Variants in CAMKK1 observed in about 807,000 individuals in gnomAD.
CAMKK1 encodes calcium/calmodulin dependent protein kinase kinase 1, also known as calcium/calmodulin-dependent protein kinase kinase 1.
CAMKK1 carries 20 observed loss-of-function variants against 63.5 expected under a neutral mutation model. That is an observed-to-expected ratio of 0.32 (90% CI 0.22 to 0.46). The LOEUF is 0.46. CAMKK1 is among the 20% of genes least tolerant of loss of function. The probability of loss-of-function intolerance (pLI) is 1.00; values close to 1 mark genes in which losing one functional copy is unlikely to be tolerated. For missense variants in CAMKK1, 588 were observed against 658.1 expected, an observed-to-expected ratio of 0.89 and a Z score of 1.17; for synonymous variants, 253 against 269.0, an observed-to-expected ratio of 0.94 and a Z score of 0.58.
intron 1 of CAMKK1, among the ~76,000 whole-genome samples, chr17:3,888,913 CGTGT>C (rs55841323): frequency 1.3e-5 from 2 of 150,384 alleles, no homozygotes. Context: ...AGGGTGGTGG[CGTGT>C]GTGTGTGTGT....
chr17:3,869,626 C>A lies in CAMKK1; in HGVS notation c.1213-11G>T. 6.2e-7 allele frequency: 1 copy of A among 1,614,084 alleles called. No homozygotes were observed. The highest frequency in any genetic ancestry group is 8.5e-7 in the Non-Finnish European group (1 of 1,179,982). Reference sequence around the variant, plus strand: ...CACCCAAGGGTGCAACTGTCGGGGCCGGGAGGGCAGGGAGAGGGGGAGAGG... The same window carrying A: ...CACCCAAGGGTGCAACTGTCGGGGCAGGGAGGGCAGGGAGAGGGGGAGAGG... On this transcript the variant is annotated splice_polypyrimidine_tract_variant and intron_variant, in intron 13 of 15. Coordinates refer to ENST00000348335, the MANE Select transcript of CAMKK1 (RefSeq NM_032294.3).
chr17:3,881,251 C>T (rs1257410214), intron 8 of CAMKK1, among the ~76,000 whole-genome samples: 1 of 152,236 alleles, frequency 6.6e-6, no homozygotes, highest in African/African-American at 2.4e-5. Context: ...CCACCCACTC[C>T]ATTCACAGAC....
At position 3,889,111 on chromosome 17, in the gene CAMKK1, CTGGACT is replaced by C. The variant is rs1466901471; in HGVS notation, c.-43-3387_-43-3382del. On this transcript the variant is annotated intron_variant, in intron 1 of 15. Transcript: ENST00000348335. The surrounding 1 kb of genome is among the most constrained non-coding windows in gnomAD (Gnocchi z 5.2). Reference sequence around the variant, plus strand: ...GGGAGCCTGATCCCAGAGCTCATATCTGGACTTTTCCCCATAGTCACTGGTCCCACC... The same window carrying C: ...GGGAGCCTGATCCCAGAGCTCATATCTTTCCCCATAGTCACTGGTCCCACC... Among the ~76,000 whole-genome samples, 1 of 152,146 alleles carries C rather than the reference CTGGACT, an allele frequency of 6.6e-6. No individual in the cohort carries two copies. The highest frequency in any genetic ancestry group is 1.5e-5 in the Non-Finnish European group (1 of 68,010).
rs2055729306 is a variant in CAMKK1 at position 3,887,971 on chromosome 17, T to C, written c.-43-2241A>G. Among the ~76,000 whole-genome samples, 1 of 152,180 alleles carries C rather than the reference T, an allele frequency of 6.6e-6. No homozygotes were observed. The highest frequency in any genetic ancestry group is 2.4e-5 in the African/African-American group (1 of 41,440). On this transcript the variant is annotated intron_variant, in intron 1 of 15. Coordinates refer to ENST00000348335, the MANE Select transcript of CAMKK1 (RefSeq NM_032294.3). This position sits in a 1 kb window ranked among gnomAD's most constrained non-coding sequence, Gnocchi z 6.1. ...TTGTCTCCAAAAGATCATCAGTGCC[T>C]GGCATGTGATAGGAACTCGATAAAT...
Position 3,866,015 on chromosome 17 carries a change from A to G in CAMKK1, c.1342-4T>C. The G allele has an allele frequency of 6.2e-7, 1 of 1,613,786 alleles. No individual in the cohort carries two copies. The highest frequency in any genetic ancestry group is 1.7e-5 in the Admixed American group (1 of 59,990). On this transcript the variant is annotated splice_polypyrimidine_tract_variant and splice_region_variant and intron_variant, in intron 14 of 15. Transcript: ENST00000348335. The stretch of plus-strand genomic sequence containing the variant: ...TCAGCATGGACTTCACCAGGATCTG[A>G]GGAGGACAAGGCAGCGTGAGGAGCA...
chr17:3,891,114 G>GGT (rs1555545824), intron 1 of CAMKK1, among the ~76,000 whole-genome samples: 1 of 151,880 alleles, frequency 6.6e-6, no homozygotes, highest in Non-Finnish European at 1.5e-5. Context: ...AAGGTTGGGG[G>GGT]GGGGGTCACA....
In CAMKK1 at chr17:3,884,471, C is replaced by T. The variant is rs755369003; in HGVS notation, c.361-44G>A. Reference sequence around the variant, plus strand: ...CACCAGGTGGAGCTGGGTCCGGAGGCAGCACTGCTCCTACCTCAGAGCCCG... The same window carrying T: ...CACCAGGTGGAGCTGGGTCCGGAGGTAGCACTGCTCCTACCTCAGAGCCCG... On this transcript the variant is annotated intron_variant, in intron 2 of 15. Transcript: ENST00000348335. This position sits in a 1 kb window ranked among gnomAD's most constrained non-coding sequence, Gnocchi z 4.5. 5.7e-6 allele frequency: 9 copies of T among 1,587,348 alleles called. No individual in the cohort carries two copies. Among genetic ancestry groups the T allele is most frequent in the Middle Eastern group, 3.3e-4 (2 of 5,976 alleles).
At chr17:3,864,967 A>T (rs1597436821) in intron 15 of CAMKK1, among the ~76,000 whole-genome samples, 1 of 152,042 alleles carries the variant, frequency 6.6e-6, no homozygotes, top group African/African-American at 2.4e-5. Flanking sequence ...CCTGGCACTC[A>T]CCCCTCTGGG....
At chr17:3,874,398 G>C (rs1055898059) in intron 10 of CAMKK1, among the ~76,000 whole-genome samples, 1 of 151,974 alleles carries the variant, frequency 6.6e-6, no homozygotes, top group Admixed American at 6.6e-5. Context: ...TTCAGACAGA[G>C]TCTCACTCTG....
rs528753485 is a variant in CAMKK1, at chr17:3,890,780, A to G, written c.-44+2159T>C. On this transcript the variant is annotated intron_variant, in intron 1 of 15. Coordinates refer to ENST00000348335, the MANE Select transcript of CAMKK1 (RefSeq NM_032294.3). The surrounding 1 kb of genome is among the most constrained non-coding windows in gnomAD (Gnocchi z 6.5). ...GTACAAGCTGTGCCTTCTGCCAGGA[A>G]CACACCTCCCTCTCCTCTGCTGCCT... is the stretch of plus-strand genomic sequence containing the variant. 1.3e-6 allele frequency: 1 copy of G among 779,754 alleles called. No individual in the cohort carries two copies. The highest frequency in any genetic ancestry group is 1.3e-5 in the South Asian group (1 of 74,612). 48.3% of individuals were successfully genotyped at this position (779,754 alleles called of 1,614,324 possible). A position where few individuals can be genotyped will look rare whatever the true frequency, so the allele number is the denominator to read the frequency against.
intron 15 of CAMKK1, among the ~76,000 whole-genome samples, chr17:3,864,700 C>T (rs2054449693): frequency 6.6e-6 from 1 of 152,198 alleles, no homozygotes; most frequent in South Asian, 2.1e-4. Context: ...CCTCCCCCAA[C>T]CGCAACCACC....
rs2055701282 is a variant in CAMKK1, at chr17:3,887,451, G to A, written c.-43-1721C>T. On this transcript the variant is annotated intron_variant, in intron 1 of 15. Coordinates refer to ENST00000348335, the MANE Select transcript of CAMKK1 (RefSeq NM_032294.3). The surrounding 1 kb of genome is among the most constrained non-coding windows in gnomAD (Gnocchi z 6.1). The stretch of plus-strand genomic sequence containing the variant: ...GAGTGAGAGGGAGTTAATGAGGCTG[G>A]AACATCAAGGAGGCCTCCCTGGAGG... 1.3e-5 allele frequency among the ~76,000 whole-genome samples: 2 copies of A among 152,284 alleles called. No individual in the cohort carries two copies. The highest frequency in any genetic ancestry group is 6.5e-5 in the Admixed American group (1 of 15,310).
intron 9 of CAMKK1, among the ~76,000 whole-genome samples, chr17:3,877,159 A>C (rs1277411925): frequency 1.3e-5 from 2 of 152,082 alleles, no homozygotes; most frequent in African/African-American, 2.4e-5. Flanking sequence ...TCCCCCACCC[A>C]GGCTAGGCAA....
intron 10 of CAMKK1, among the ~76,000 whole-genome samples, chr17:3,874,668 C>T (rs1466751031): frequency 6.0e-5 from 9 of 149,150 alleles, no homozygotes; most frequent in Admixed American, 2.0e-4. Flanking sequence ...CCACCATGCC[C>T]GGCTAATTTT....
At chr17:3,869,928 G>T in intron 12 of CAMKK1, 40 bp from the exon 13 acceptor site, 1 of 1,487,344 alleles carries the variant, frequency 6.7e-7, no homozygotes, top group Non-Finnish European at 9.4e-7. Flanking sequence ...TGGGACCGCT[G>T]ATGAGGACCC....
intron 1 of CAMKK1, among the ~76,000 whole-genome samples, chr17:3,891,157 G>A (rs1412607330): frequency 6.6e-6 from 1 of 151,926 alleles, no homozygotes; most frequent in East Asian, 1.9e-4. Context: ...TGGACGCCTG[G>A]GATGCAAGCA....
At chr17:3,877,873 C>A (rs2055237823) in intron 9 of CAMKK1, among the ~76,000 whole-genome samples, 1 of 152,198 alleles carries the variant, frequency 6.6e-6, no homozygotes, top group Non-Finnish European at 1.5e-5. Context: ...GATAACTAGG[C>A]AGCTAGGCAT....
At chr17:3,868,675 T>A (rs1352095067) in intron 14 of CAMKK1, among the ~76,000 whole-genome samples, 2 of 151,820 alleles carry the variant, frequency 1.3e-5, no homozygotes, top group African/African-American at 4.8e-5. Context: ...TTTTTTGAGA[T>A]GGAGTCTCGT....
rs1036644960 is a variant in CAMKK1 at position 3,890,309 on chromosome 17, G to A, written c.-44+2630C>T. Among the ~76,000 whole-genome samples the A allele has an allele frequency of 2.6e-5, 4 of 152,252 alleles. No homozygotes were observed. Among genetic ancestry groups the A allele is most frequent in the Middle Eastern group, 3.4e-3 (1 of 294 alleles). On this transcript the variant is annotated intron_variant, in intron 1 of 15. Coordinates refer to ENST00000348335, the MANE Select transcript of CAMKK1 (RefSeq NM_032294.3). The surrounding 1 kb of genome is among the most constrained non-coding windows in gnomAD (Gnocchi z 6.5). Reference sequence around the variant, plus strand: ...CGCCCGCTCCCACCATCCCTGGGGAGCCCCCAAGCACCAATACGGGCTGTT... The same window carrying A: ...CGCCCGCTCCCACCATCCCTGGGGAACCCCCAAGCACCAATACGGGCTGTT...
Sources: allele counts gnomAD v4.1 joint callset (sites outside exome capture counted in the v4.1 genomes callset), GRCh38; gene constraint gnomAD v4.1.1; non-coding constraint Gnocchi (gnomAD v3.1); transcripts MANE v1.5; gene names NCBI Gene and HGNC (gene_info 2026-07-23, HGNC 2026-07-21).